The following DAB1 variants were observed in gnomAD, a reference collection of about 807,000 sequenced individuals.
DAB1 encodes the protein disabled homolog 1.
A neutral mutation model predicts 64.6 loss-of-function variants in DAB1; 15 were observed. That is an observed-to-expected ratio of 0.23 (90% confidence interval 0.16 to 0.36). The LOEUF (loss-of-function observed/expected upper bound fraction) is 0.36, where lower values mean the gene tolerates loss of function less well. DAB1 is among the 10% of genes least tolerant of loss of function. The probability of loss-of-function intolerance (pLI) is 1.00; values close to 1 mark genes in which losing one functional copy is unlikely to be tolerated. For synonymous variants in DAB1, 235 were observed against 251.9 expected, an observed-to-expected ratio of 0.93 and a Z score of 0.64; for missense variants, 596 against 706.7, an observed-to-expected ratio of 0.84 and a Z score of 1.78.
At chr1:57,555,308 C>T (rs192632716) in intron 7 of DAB1, among the ~76,000 whole-genome samples, 1 of 151,906 alleles carries the variant, frequency 6.6e-6, no homozygotes, top group Admixed American at 6.5e-5. Flanking sequence ...ACTGGGATTA[C>T]AGGCGTGAGC....
At chr1:57,227,836 C>T (rs1008908391) in intron 2 of DAB1, among the ~76,000 whole-genome samples, 4 of 152,124 alleles carry the variant, frequency 2.6e-5, no homozygotes, top group East Asian at 1.9e-4. Flanking sequence ...GGGTTACAGG[C>T]GTGAGCCACT....
At chr1:57,996,487 G>C (rs900076558) in intron 5 of DAB1, among the ~76,000 whole-genome samples, 6 of 152,074 alleles carry the variant, frequency 3.9e-5, no homozygotes, top group African/African-American at 1.4e-4. Context: ...TCATTTGCTG[G>C]GTTGAAATTC....
intron 3 of DAB1, among the ~76,000 whole-genome samples, chr1:58,377,614 T>G (rs1644341833): frequency 7.2e-6 from 1 of 138,652 alleles, no homozygotes; most frequent in Admixed American, 7.2e-5. Context: ...CCCTTAACAT[T>G]TTTTCCTTCA....
At chr1:57,149,920 T>C (rs1053796408) in intron 2 of DAB1, among the ~76,000 whole-genome samples, 2 of 152,190 alleles carry the variant, frequency 1.3e-5, no homozygotes, top group Non-Finnish European at 2.9e-5. Flanking sequence ...CCAAGGTTAC[T>C]GAAAACCACC....
At chr1:57,141,882 G>A (rs1043288142) in intron 3 of DAB1, among the ~76,000 whole-genome samples, 4 of 152,012 alleles carry the variant, frequency 2.6e-5, no homozygotes, top group Admixed American at 2.0e-4. Context: ...ATACAATTAC[G>A]GGCAAAACTG....
chr1:57,524,579 G>A (rs1351734140), intron 7 of DAB1, among the ~76,000 whole-genome samples: 1 of 152,140 alleles, frequency 6.6e-6, no homozygotes, highest in Non-Finnish European at 1.5e-5. Context: ...TGTGGGCAGG[G>A]TTGGATCTCA....
intron 5 of DAB1, among the ~76,000 whole-genome samples, chr1:58,016,534 G>T (rs1406067039): frequency 6.6e-6 from 1 of 151,978 alleles, no homozygotes; most frequent in African/African-American, 2.4e-5. Flanking sequence ...TGTCCCACAG[G>T]TACTTCAAAC....
intron 9 of DAB1, among the ~76,000 whole-genome samples, chr1:57,036,934 C>T (rs981918049): frequency 2.0e-5 from 3 of 152,098 alleles, no homozygotes; most frequent in African/African-American, 4.8e-5. Flanking sequence ...GGAAAAATGA[C>T]AGTGGATAAG....
At chr1:58,005,974 T>C (rs908928947) in intron 5 of DAB1, among the ~76,000 whole-genome samples, 2 of 152,166 alleles carry the variant, frequency 1.3e-5, no homozygotes, top group Admixed American at 6.5e-5. Context: ...TAAGCAGAAT[T>C]TGAAACCAAG....
Position 58,031,677 on chromosome 1 carries a change from T to C in DAB1, n.387+118834A>G, listed in dbSNP as rs12026684. ...AGAGGAAGCTGAATTGCTTTGCAAA[T>C]ATATGCAGATACATGCGAATAACAA... is the stretch of plus-strand genomic sequence containing the variant. On this transcript the variant is annotated intron_variant and non_coding_transcript_variant, in intron 5 of 20. Coordinates refer to the DAB1 transcript ENST00000485760. Among the ~76,000 whole-genome samples the C allele has an allele frequency of 5.0e-3, 760 of 152,262 alleles. 44 individuals are homozygous for C. The East Asian group carries it at 0.11, about 21-fold the overall frequency.
intron 6 of DAB1, among the ~76,000 whole-genome samples, chr1:57,762,909 G>C (rs950267427): frequency 6.6e-5 from 10 of 152,190 alleles, no homozygotes; most frequent in African/African-American, 2.4e-4. Flanking sequence ...AACAGCTATT[G>C]ACTATGTTCC....
At chr1:57,783,978 G>A (rs897141557) in intron 6 of DAB1, among the ~76,000 whole-genome samples, 2 of 152,192 alleles carry the variant, frequency 1.3e-5, no homozygotes. Flanking sequence ...CCCTAGCAAT[G>A]GCCTCTAGGT....
intron 6 of DAB1, among the ~76,000 whole-genome samples, chr1:57,679,672 T>C (rs1646613617): frequency 6.6e-6 from 1 of 152,222 alleles, no homozygotes; most frequent in Non-Finnish European, 1.5e-5. Context: ...CACACGCCTG[T>C]TTAGCATATT....
At chr1:57,343,942 T>A (rs1244654700) in intron 1 of DAB1, among the ~76,000 whole-genome samples, 1 of 152,256 alleles carries the variant, frequency 6.6e-6, no homozygotes, top group Non-Finnish European at 1.5e-5. Flanking sequence ...GCAAGGGCTG[T>A]GAGGGCTGCC....
chr1:57,999,141 C>T (rs764772289), intron 5 of DAB1, among the ~76,000 whole-genome samples: 5 of 152,176 alleles, frequency 3.3e-5, no homozygotes, highest in Non-Finnish European at 7.3e-5. Context: ...TCTTTATGAG[C>T]TACCACTTAT....
intron 4 of DAB1, among the ~76,000 whole-genome samples, chr1:58,175,499 A>T (rs1656417874): frequency 6.6e-6 from 1 of 152,128 alleles, no homozygotes; most frequent in Admixed American, 6.5e-5. Context: ...TTATTATTTG[A>T]CTTTTTGATA....
chr1:58,134,429 C>T (rs1273183979), intron 5 of DAB1, among the ~76,000 whole-genome samples: 1 of 152,064 alleles, frequency 6.6e-6, no homozygotes, highest in African/African-American at 2.4e-5. Context: ...AATAACATCA[C>T]CTTGGGGTTT....
chr1:57,568,081 T>A (rs1570635105), intron 7 of DAB1, among the ~76,000 whole-genome samples: 5 of 152,214 alleles, frequency 3.3e-5, no homozygotes, highest in Admixed American at 2.6e-4. Context: ...AACAGAGATA[T>A]AGACCAATGG....
intron 1 of DAB1, among the ~76,000 whole-genome samples, chr1:57,300,971 G>A (rs1673597385): frequency 1.3e-5 from 2 of 151,888 alleles, no homozygotes; most frequent in South Asian, 4.2e-4. Context: ...ACAAGATGGT[G>A]CTTGTCCAGG....
Sources: gnomAD v4.1 joint callset for allele counts (sites outside exome capture counted in the v4.1 genomes callset) on GRCh38, gnomAD v4.1.1 for gene constraint, MANE v1.5 for transcripts, NCBI Gene and HGNC (gene_info 2026-07-23, HGNC 2026-07-21) for gene names.